The following FMNL2 variants were observed in gnomAD, a reference collection of about 807,000 sequenced individuals.
FMNL2 encodes formin-like protein 2.
Under a neutral mutation model 130.2 loss-of-function variants are expected in FMNL2, and 51 were observed. That is an observed-to-expected ratio of 0.39 (90% CI 0.31 to 0.49). The LOEUF is 0.49. Among genes scored for constraint, FMNL2 ranks in the 20% least tolerant of loss-of-function variants. The probability of loss-of-function intolerance (pLI) is 0.85; values close to 1 mark genes in which losing one functional copy is unlikely to be tolerated. For missense variants in FMNL2, 977 were observed against 1,316.2 expected, an observed-to-expected ratio of 0.74 and a Z score of 3.99; for synonymous variants, 465 against 467.1, an observed-to-expected ratio of 1.00 and a Z score of 0.06.
chr2:152,609,271 A>T (rs1698556885), intron 10 of FMNL2, among the ~76,000 whole-genome samples: 1 of 152,254 alleles, frequency 6.6e-6, no homozygotes, highest in East Asian at 1.9e-4. Context: ...TCACCTTCAG[A>T]TAGTTGCCTC....
At chr2:152,539,462 G>C (rs1488996873) in intron 2 of FMNL2, 1 of 152,234 alleles carries the variant, frequency 6.6e-6, no homozygotes, top group Non-Finnish European at 1.5e-5. Context: ...GAGATGGGCA[G>C]ACTATGCCAA....
chr2:152,564,234 A>AAT (rs1415976308), intron 6 of FMNL2, among the ~76,000 whole-genome samples: 2 of 151,988 alleles, frequency 1.3e-5, no homozygotes, highest in Non-Finnish European at 2.9e-5. Flanking sequence ...AGCTTTGTTT[A>AAT]ATTAGTATAT....
At chr2:152,636,937 C>T (rs1682663416) in intron 22 of FMNL2, among the ~76,000 whole-genome samples, 1 of 152,104 alleles carries the variant, frequency 6.6e-6, no homozygotes, top group Non-Finnish European at 1.5e-5. Flanking sequence ...TTCTGTAGAT[C>T]TTGTCCTTGA....
intron 2 of FMNL2, among the ~76,000 whole-genome samples, chr2:152,531,305 C>A (rs1477490661): frequency 6.6e-6 from 1 of 152,142 alleles, no homozygotes; most frequent in African/African-American, 2.4e-5. Context: ...CTCTGCCTAT[C>A]CTTAGATCCT....
At chr2:152,576,943 G>T (rs893996269) in intron 7 of FMNL2, among the ~76,000 whole-genome samples, 1 of 152,158 alleles carries the variant, frequency 6.6e-6, no homozygotes. Context: ...TTTAGAGGCC[G>T]CTGAGAGGAC....
chr2:152,376,656 A>G (rs1471318423), intron 1 of FMNL2, among the ~76,000 whole-genome samples: 2 of 152,140 alleles, frequency 1.3e-5, no homozygotes, highest in Non-Finnish European at 2.9e-5. Flanking sequence ...GACCTCCTCC[A>G]GACACCAGTG....
Position 152,443,354 on chromosome 2 carries a change from G to A in FMNL2, c.118-78589G>A, listed in dbSNP as rs192396003. On this transcript the variant is annotated intron_variant, in intron 1 of 25. Coordinates refer to ENST00000288670, the MANE Select transcript of FMNL2 (RefSeq NM_052905.4). ...ACCACTTTGGGAACCATCAGTTTGG[G>A]ATTGATAGTTAACCCATTGGAGTAG... is the stretch of plus-strand genomic sequence containing the variant. 1.8e-3 allele frequency among the ~76,000 whole-genome samples: 277 copies of A among 152,280 alleles called. 1 individual carries two copies. Among genetic ancestry groups the A allele is most frequent in the Non-Finnish European group, 3.2e-3 (219 of 68,022 alleles).
At chr2:152,479,498 C>T (rs570602989) in intron 1 of FMNL2, among the ~76,000 whole-genome samples, 4 of 152,266 alleles carry the variant, frequency 2.6e-5, no homozygotes, top group African/African-American at 7.2e-5. Flanking sequence ...ACTTCATCAC[C>T]AGAACCACTT....
chr2:152,408,652 A>C (rs1686126636), intron 1 of FMNL2, among the ~76,000 whole-genome samples: 1 of 152,198 alleles, frequency 6.6e-6, no homozygotes, highest in African/African-American at 2.4e-5. Context: ...AATGCATTTA[A>C]TATAGCTACC....
intron 25 of FMNL2, among the ~76,000 whole-genome samples, chr2:152,646,672 A>T (rs984631382): frequency 1.3e-5 from 2 of 152,182 alleles, no homozygotes; most frequent in East Asian, 1.9e-4. Flanking sequence ...AGATAAAGGG[A>T]TACAAAAGAT....
chr2:152,619,290 C>A, intron 14 of FMNL2, 132 bp downstream of exon 14: 1 of 1,301,854 alleles, frequency 7.7e-7, no homozygotes, highest in Non-Finnish European at 1.0e-6. Flanking sequence ...TTGAGTAGTT[C>A]TTAACTGTTT....
intron 1 of FMNL2, among the ~76,000 whole-genome samples, chr2:152,356,288 A>G (rs1383313674): frequency 6.6e-6 from 1 of 151,808 alleles, no homozygotes; most frequent in East Asian, 1.9e-4. Flanking sequence ...ACGCCTGGCT[A>G]ATGTTTTTGT....
rs1158497191 is a variant in FMNL2 at position 152,542,597 on chromosome 2, CAGTT to C, written c.202-138_202-135del. The C allele has an allele frequency of 1.1e-5, 8 of 719,250 alleles. No homozygotes were observed. In the Admixed American group the frequency reaches 1.4e-4, roughly 13 times the overall value. 44.6% of individuals were successfully genotyped at this position (719,250 alleles called of 1,614,324 possible). A position where few individuals can be genotyped will look rare whatever the true frequency, so the allele number is the denominator to read the frequency against. Reference sequence around the variant, plus strand: ...TCACATCTACTACCAAGATGCAAAACAGTTAGTACAAAATGACTGCTCGCAGGGC... The same window carrying C: ...TCACATCTACTACCAAGATGCAAAACAGTACAAAATGACTGCTCGCAGGGC... On this transcript the variant is annotated intron_variant, in intron 2 of 25. Coordinates refer to ENST00000288670, the MANE Select transcript of FMNL2 (RefSeq NM_052905.4).
intron 1 of FMNL2, among the ~76,000 whole-genome samples, chr2:152,406,132 T>A (rs1353957229): frequency 7.3e-6 from 1 of 137,810 alleles, no homozygotes; most frequent in Admixed American, 7.6e-5. Context: ...CCTATGTCTA[T>A]AAGTGTATGC....
chr2:152,616,697 A>G (rs1169578219), intron 12 of FMNL2, among the ~76,000 whole-genome samples: 1 of 152,202 alleles, frequency 6.6e-6, no homozygotes, highest in Non-Finnish European at 1.5e-5. Flanking sequence ...TGAAAGAACC[A>G]AGTTTACTGT....
intron 3 of FMNL2, among the ~76,000 whole-genome samples, chr2:152,547,946 G>A (rs1356571253): frequency 6.6e-6 from 1 of 152,184 alleles, no homozygotes; most frequent in Non-Finnish European, 1.5e-5. Context: ...AGGAAAATGT[G>A]TTCCAAAGGA....
intron 1 of FMNL2, among the ~76,000 whole-genome samples, chr2:152,464,806 A>G (rs1006031777): frequency 1.3e-5 from 2 of 152,160 alleles, no homozygotes; most frequent in African/African-American, 4.8e-5. Context: ...TACTGTGTGC[A>G]TGTTGTTGCT....
At chr2:152,533,027 G>A (rs1693793711) in intron 2 of FMNL2, among the ~76,000 whole-genome samples, 1 of 152,146 alleles carries the variant, frequency 6.6e-6, no homozygotes, top group Non-Finnish European at 1.5e-5. Context: ...ATTAGTTTTT[G>A]TCTCACTTTT....
chr2:152,606,877 T>G (rs1698386752), intron 9 of FMNL2, among the ~76,000 whole-genome samples: 1 of 152,128 alleles, frequency 6.6e-6, no homozygotes, highest in Admixed American at 6.5e-5. Flanking sequence ...GTTTATGCAC[T>G]GAGATTTTTT....
Sources: gnomAD v4.1 joint callset for allele counts (sites outside exome capture counted in the v4.1 genomes callset) on GRCh38, gnomAD v4.1.1 for gene constraint, MANE v1.5 for transcripts, NCBI Gene and HGNC (gene_info 2026-07-23, HGNC 2026-07-21) for gene names.